The following PPP3CB variants were observed in gnomAD, a reference collection of about 807,000 sequenced individuals.
PPP3CB encodes serine/threonine-protein phosphatase 2B catalytic subunit beta isoform.
A neutral mutation model predicts 66.4 loss-of-function variants in PPP3CB; 8 were observed. The ratio of observed to expected loss-of-function variants is 0.12; its 90% CI spans 0.07 to 0.22. The LOEUF (loss-of-function observed/expected upper bound fraction) is 0.22. Among genes scored for constraint, PPP3CB ranks in the 10% least tolerant of loss-of-function variants. The probability of loss-of-function intolerance (pLI) is 1.00; values close to 1 mark genes in which losing one functional copy is unlikely to be tolerated. For missense variants in PPP3CB, 319 were observed against 642.5 expected, an observed-to-expected ratio of 0.50 and a Z score of 5.44; for synonymous variants, 208 against 221.2, an observed-to-expected ratio of 0.94 and a Z score of 0.53.
intron 9 of PPP3CB, among the ~76,000 whole-genome samples, chr10:73,461,222 G>C (rs1330006991): frequency 6.6e-6 from 1 of 152,218 alleles, no homozygotes; most frequent in African/African-American, 2.4e-5. Context: ...CGAGGTGCAT[G>C]GATCACTTGA....
chr10:73,467,647 C>T lies in PPP3CB; in HGVS notation c.1014G>A (p.Met338Ile). 1 of 1,567,920 alleles carries T rather than the reference C, an allele frequency of 6.4e-7. No homozygotes were observed. Among genetic ancestry groups the T allele is most frequent in the Non-Finnish European group, 8.7e-7 (1 of 1,153,208 alleles). ...AAVLKYENNV[M>I]NIRQFNCSPH... Reference sequence around the variant, plus strand: ...GAGAACAGTTAAACTGTCGAATATTCATCACATTATTTTCATACTTTAATA... The same window carrying T: ...GAGAACAGTTAAACTGTCGAATATTTATCACATTATTTTCATACTTTAATA... Residue 338 changes from methionine (M) to isoleucine (I), a missense_variant, in exon 9 of 14, where the codon ATG (methionine) becomes ATA (isoleucine). Met to Ile is a conservative substitution (Grantham distance 10). Around this residue, in one of 5 missense-constraint regions of PPP3CB, gnomAD observed 120 missense variants for 331.2 expected, o/e 0.36. Transcript: ENST00000360663.
In PPP3CB at chr10:73,479,545, T is replaced by A. The variant is rs545613779; in HGVS notation, c.86-28A>T. On this transcript the variant is annotated intron_variant, in intron 1 of 13. Transcript: ENST00000360663. ...GCAAATGTTTTTAATTAATAAAAGA[T>A]AAGTCACCAAAAATACATTAACTTA... The A allele has an allele frequency of 2.5e-6, 4 of 1,592,406 alleles. No homozygotes were observed. The African/African-American group carries it at 5.4e-5, about 22-fold the overall frequency.
intron 3 of PPP3CB, among the ~76,000 whole-genome samples, chr10:73,477,572 A>G (rs1299264756): frequency 2.0e-5 from 3 of 152,194 alleles, no homozygotes; most frequent in Non-Finnish European, 4.4e-5. Flanking sequence ...GAAAAAATGT[A>G]TATATTGGAA....
Position 73,471,597 on chromosome 10 carries a change from C to A in PPP3CB, c.540G>T (p.Ser180=). 6.3e-7 allele frequency: 1 copy of A among 1,594,518 alleles called. No homozygotes were observed. Among genetic ancestry groups the A allele is most frequent in the Non-Finnish European group, 8.5e-7 (1 of 1,173,024 alleles). The change falls in exon 5 of 14, where the codon TCG becomes TCT. Residue 180 remains serine, a synonymous_variant. Transcript: ENST00000360663. The stretch of plus-strand genomic sequence containing the variant: ...CCATACAAGCTTCATAGACTCTTTC[C>A]GAATACTTAATTTTACCTAGAAAAA... ...TFKQECKIKY[S]ERVYEACMEA...
intron 10 of PPP3CB, among the ~76,000 whole-genome samples, chr10:73,453,255 G>C (rs551187443): frequency 6.6e-6 from 1 of 152,300 alleles, no homozygotes; most frequent in African/African-American, 2.4e-5. Context: ...AAGAATTACA[G>C]AGTTAATTCT....
At chr10:73,448,124 G>C (rs2056288419) in intron 10 of PPP3CB, among the ~76,000 whole-genome samples, 1 of 152,114 alleles carries the variant, frequency 6.6e-6, no homozygotes, top group African/African-American at 2.4e-5. Flanking sequence ...AAAGTAGCTA[G>C]ACTGGGGATA....
chr10:73,476,730 CA>C (rs2056795088), intron 3 of PPP3CB, among the ~76,000 whole-genome samples: 2 of 151,596 alleles, frequency 1.3e-5, no homozygotes, highest in South Asian at 4.2e-4. Context: ...TTGTTTTGGT[CA>C]AATGCCTGAA....
At chr10:73,445,840 CCGAGTT>C (rs1442367144) in intron 11 of PPP3CB, among the ~76,000 whole-genome samples, 1 of 150,846 alleles carries the variant, frequency 6.6e-6, no homozygotes, top group East Asian at 2.0e-4. Context: ...CCTCCACCTC[CCGAGTT>C]CAAGTGATTC....
intron 4 of PPP3CB, 110 bp downstream of exon 4, chr10:73,474,809 A>G: frequency 2.1e-6 from 3 of 1,431,300 alleles, no homozygotes; most frequent in Non-Finnish European, 2.8e-6. Context: ...ATGTGTGGAC[A>G]TGAAATCTGT....
chr10:73,471,746 G>A (rs2056705112), intron 4 of PPP3CB, 133 bp from the exon 5 acceptor site: 1 of 704,452 alleles, frequency 1.4e-6, no homozygotes, highest in Non-Finnish European at 2.2e-6. Flanking sequence ...TAATGAAATT[G>A]AGATAGTTAC....
chr10:73,448,180 T>C (rs1006208427), intron 10 of PPP3CB, among the ~76,000 whole-genome samples: 3 of 152,168 alleles, frequency 2.0e-5, no homozygotes, highest in African/African-American at 7.2e-5. Context: ...TACATTCATA[T>C]TTTCAGATTT....
chr10:73,480,081 T>A (rs2056849403), intron 1 of PPP3CB, among the ~76,000 whole-genome samples: 1 of 152,198 alleles, frequency 6.6e-6, no homozygotes, highest in Non-Finnish European at 1.5e-5. Flanking sequence ...TGTTCCTTTC[T>A]AATAAGAACA....
At chr10:73,494,346 G>A (rs922491030) in intron 1 of PPP3CB, among the ~76,000 whole-genome samples, 2 of 152,110 alleles carry the variant, frequency 1.3e-5, no homozygotes, top group African/African-American at 4.8e-5. Flanking sequence ...GAGCACACTG[G>A]CGCAAATCTC....
intron 13 of PPP3CB, 148 bp downstream of exon 13, chr10:73,439,724 G>A (rs1273997793): frequency 3.4e-5 from 27 of 795,232 alleles, no homozygotes. Flanking sequence ...TAAAAAAAGA[G>A]GGCTGCAAGG....
At chr10:73,483,976 G>A (rs565644092) in intron 1 of PPP3CB, among the ~76,000 whole-genome samples, 72 of 151,614 alleles carry the variant, frequency 4.7e-4, no homozygotes, top group Admixed American at 1.9e-3. Flanking sequence ...AAACCCCATC[G>A]CTACTAAAAA....
chr10:73,444,509 T>C, intron 12 of PPP3CB: 1 of 1,433,144 alleles, frequency 7.0e-7, no homozygotes, highest in East Asian at 2.5e-5. Context: ...AACTGACCAT[T>C]ATTTTCAATT....
At chr10:73,489,592 G>C (rs1041268113) in intron 1 of PPP3CB, among the ~76,000 whole-genome samples, 7 of 152,094 alleles carry the variant, frequency 4.6e-5, no homozygotes, top group Non-Finnish European at 7.4e-5. Context: ...GAGATGTTAA[G>C]TATCTTGTCC....
chr10:73,457,260 G>GAAAAAAAAAAAAAAAAAAA (rs35129439), intron 9 of PPP3CB, among the ~76,000 whole-genome samples: 2 of 69,028 alleles, frequency 2.9e-5, no homozygotes, highest in Non-Finnish European at 5.8e-5. Context: ...CTCTAAAAAA[G>GAAAAAAAAAAAAAAAAAAA]AAAAAAAAAA....
intron 1 of PPP3CB, among the ~76,000 whole-genome samples, chr10:73,491,022 GTTTTTTTT>G (rs528238766): frequency 2.0e-4 from 8 of 40,908 alleles, no homozygotes; most frequent in East Asian, 1.0e-3. Context: ...TGTTTTTATT[GTTTTTTTT>G]TTTTTTTTTT....
Sources: allele counts gnomAD v4.1 joint callset (sites outside exome capture counted in the v4.1 genomes callset), GRCh38; gene constraint gnomAD v4.1.1; regional missense constraint gnomAD v4.1.1; transcripts MANE v1.5; gene names NCBI Gene and HGNC (gene_info 2026-07-23, HGNC 2026-07-21).